The following TRAPPC14 variants were observed in gnomAD, a reference collection of about 807,000 sequenced individuals.
TRAPPC14 encodes microtubule associated protein 11.
TRAPPC14 carries 24 observed loss-of-function variants against 56.6 expected under a neutral mutation model. That is an observed-to-expected ratio of 0.42 (90% CI 0.31 to 0.60). The LOEUF is 0.60. Among genes scored for constraint, TRAPPC14 ranks in the 20% least tolerant of loss-of-function variants. The probability of loss-of-function intolerance (pLI) is 0.14; values close to 1 mark genes in which losing one functional copy is unlikely to be tolerated. For synonymous variants in TRAPPC14, 377 were observed against 347.0 expected (o/e 1.09, Z -0.96); for missense variants, 615 against 790.3 (o/e 0.78, Z 2.66).
intron 1 of TRAPPC14, 75 bp downstream of exon 1, chr7:100,158,014 G>C: frequency 7.0e-7 from 1 of 1,421,416 alleles, no homozygotes; most frequent in South Asian, 1.4e-5. Context: ...AAGACCGGCA[G>C]TTCATCTGCC....
chr7:100,154,653 A>G lies in TRAPPC14; in HGVS notation c.*358T>C, dbSNP rs1403774331. 3.3e-6 allele frequency: 1 copy of G among 306,810 alleles called. No homozygotes were observed. The highest frequency in any genetic ancestry group is 2.2e-5 in the African/African-American group (1 of 44,630). The allele number at this position is 306,810 out of a possible 1,614,324, so 19.0% of individuals were successfully genotyped here. ...AATCTCAGCCCTGCGGGAGGGAGGG[A>G]GGGAATGTCAGAGGTGGGAAAGAAC... On this transcript the variant is annotated 3_prime_UTR_variant, in exon 11 of 11. Coordinates refer to ENST00000316937, the MANE Select transcript of TRAPPC14 (RefSeq NM_018275.5).
At position 100,158,215 on chromosome 7, in the gene TRAPPC14, G is replaced by A; in HGVS notation, c.285C>T (p.Gly95=). ...GCTCCGAATCCTGGTCGCCGGCGCCGCCGCCCCCCGGCATCCCGCCTCCGG... is the reference window on the plus strand; with the variant it reads ...GCTCCGAATCCTGGTCGCCGGCGCCACCGCCCCCCGGCATCCCGCCTCCGG... ...VSAGGGMPGG[G]GAGDQDSEPP... The change falls in exon 1 of 11, where the codon GGC becomes GGT. Residue 95 remains glycine, a synonymous_variant. Coordinates refer to ENST00000316937, the MANE Select transcript of TRAPPC14 (RefSeq NM_018275.5). The A allele has an allele frequency of 2.0e-6, 3 of 1,464,270 alleles. No individual in the cohort carries two copies. The highest frequency in any genetic ancestry group is 2.7e-5 in the East Asian group (1 of 36,366). 90.7% of individuals were successfully genotyped at this position (1,464,270 alleles called of 1,614,324 possible).
Position 100,157,400 on chromosome 7 carries a change from C to T in TRAPPC14, c.697G>A (p.Ala233Thr). ...PVLRCRQFTV[A>T]GKHLTVLKVL... The stretch of plus-strand genomic sequence containing the variant: ...TTGAGCACGGTCAAGTGTTTTCCAG[C>T]CACAGTGAACTGCCGGCATCTCAGA... The change falls in exon 4 of 11, where the codon GCT becomes ACT. Residue 233 changes from alanine to threonine, a missense_variant. Physicochemically the swap from Ala to Thr is moderately conservative, Grantham distance 58. Transcript: ENST00000316937. The T allele has an allele frequency of 6.2e-7, 1 of 1,614,170 alleles. No homozygotes were observed. The highest frequency in any genetic ancestry group is 8.5e-7 in the Non-Finnish European group (1 of 1,180,040).
chr7:100,157,909 T>C lies in TRAPPC14; in HGVS notation c.441A>G (p.Thr147=). ...TLPVEEPIVS[T]DEVIFPLTVS... ...CGGTGAGTGGGAAGATGACCTCATC[T>C]GTGGACACAATCGGTTCCTCCACAG... Residue 147 remains threonine (T), a synonymous_variant, in exon 2 of 11, where the codon ACA becomes ACG. Coordinates refer to ENST00000316937, the MANE Select transcript of TRAPPC14 (RefSeq NM_018275.5). 6.4e-7 allele frequency: 1 copy of C among 1,553,982 alleles called. No individual in the cohort carries two copies.
chr7:100,157,970 AG>A (rs1188877453), intron 1 of TRAPPC14, 32 bp from the exon 2 acceptor site: 2 of 1,512,350 alleles, frequency 1.3e-6, no homozygotes, highest in Admixed American at 4.4e-5. Context: ...AGAGGTCAGG[AG>A]CAAGTCAGAG....
rs1485761314 is a variant in TRAPPC14 at position 100,156,834 on chromosome 7, CT to C, written c.993+10del. On this transcript the variant is annotated intron_variant, in intron 6 of 10. Coordinates refer to ENST00000316937, the MANE Select transcript of TRAPPC14 (RefSeq NM_018275.5). ...CACTTTTCTTTGAACACACCAGCCCCTTATGCTCACCTCCTTGGCCCCTGGA... is the reference window on the plus strand; with the variant it reads ...CACTTTTCTTTGAACACACCAGCCCCTATGCTCACCTCCTTGGCCCCTGGA... The C allele has an allele frequency of 3.7e-6, 6 of 1,613,956 alleles. No individual in the cohort carries two copies. Among genetic ancestry groups the C allele is most frequent in the Middle Eastern group, 3.3e-4 (2 of 6,060 alleles).
Position 100,156,876 on chromosome 7 carries a change from C to G in TRAPPC14, c.962G>C (p.Gly321Ala), listed in dbSNP as rs201844389. 4.4e-4 allele frequency: 715 copies of G among 1,614,106 alleles called. 4 individuals are homozygous for G. Among genetic ancestry groups the G allele is most frequent in the South Asian group, 8.5e-4 (77 of 91,088 alleles). The change falls in exon 6 of 11, where the codon GGG (glycine) becomes GCG (alanine). Residue 321 changes from glycine (G) to alanine (A), a missense_variant. Gly to Ala is a moderately conservative substitution (Grantham distance 60, BLOSUM62 0). Coordinates refer to ENST00000316937, the MANE Select transcript of TRAPPC14 (RefSeq NM_018275.5). ...EEHNFLFQLR[G>A]GEQPPPGAKE... ...GGCCCCTGGAGGGGGCTGCTCACCC[C>G]CTCTCAGCTGAAACAGGAAGTTGTG...
In TRAPPC14 at chr7:100,158,396, C is replaced by T; in HGVS notation, c.104G>A (p.Arg35His). 2 of 1,466,486 alleles carry T rather than the reference C, an allele frequency of 1.4e-6. No individual in the cohort carries two copies. Among genetic ancestry groups the T allele is most frequent in the Non-Finnish European group, 9.0e-7 (1 of 1,109,762 alleles). The allele number at this position is 1,466,486 out of a possible 1,614,324, so 90.8% of individuals were successfully genotyped here. A position where few individuals can be genotyped will look rare whatever the true frequency, so the allele number is the denominator to read the frequency against. ...DPGRYRALPR[R>H]NHLYLGETVR... The stretch of plus-strand genomic sequence containing the variant: ...AGTCTCCCCCAAGTACAGATGGTTG[C>T]GCCGGGGCAGCGCCCGGTACCGGCC... Residue 35 changes from arginine to histidine, a missense_variant, in exon 1 of 11, where the codon CGC becomes CAC. Coordinates refer to ENST00000316937, the MANE Select transcript of TRAPPC14 (RefSeq NM_018275.5).
chr7:100,157,365 C>T lies in TRAPPC14; in HGVS notation c.724+8G>A, dbSNP rs1461644241. ...CTCCCGGAGGCTGGAGCCGGCAGCC[C>T]TGCTTACCCTTGAGCACGGTCAAGT... On this transcript the variant is annotated splice_region_variant and intron_variant, in intron 4 of 10. Coordinates refer to ENST00000316937, the MANE Select transcript of TRAPPC14 (RefSeq NM_018275.5). 6.2e-7 allele frequency: 1 copy of T among 1,614,072 alleles called. No individual in the cohort carries two copies. The highest frequency in any genetic ancestry group is 8.5e-7 in the Non-Finnish European group (1 of 1,179,948).
intron 8 of TRAPPC14, 164 bp from the exon 9 acceptor site, chr7:100,155,989 G>T (rs772472803): frequency 1.1e-6 from 1 of 910,078 alleles, no homozygotes; most frequent in South Asian, 1.3e-5. Flanking sequence ...TACGTACTGT[G>T]TGCAAGGCAC....
Position 100,154,726 on chromosome 7 carries a change from G to A in TRAPPC14, c.*285C>T. 2.0e-6 allele frequency: 1 copy of A among 501,600 alleles called. No individual in the cohort carries two copies. The highest frequency in any genetic ancestry group is 3.6e-6 in the Non-Finnish European group (1 of 278,976). 31.1% of individuals were successfully genotyped at this position (501,600 alleles called of 1,614,324 possible). A position where few individuals can be genotyped will look rare whatever the true frequency, so the allele number is the denominator to read the frequency against. ...TTTGTAAACTCAGAACCAGGGTAAA[G>A]GGCCGGGGACAAGGGAGCTCTGGGA... On this transcript the variant is annotated 3_prime_UTR_variant, in exon 11 of 11. Transcript: ENST00000316937.
rs757142581 is a variant in TRAPPC14, at chr7:100,157,072, C to T, written c.845+22G>A. 12 of 1,613,894 alleles carry T rather than the reference C, an allele frequency of 7.4e-6. No individual in the cohort carries two copies. In the African/African-American group the frequency reaches 1.1e-4, roughly 14 times the overall value. On this transcript the variant is annotated intron_variant, in intron 5 of 10. Transcript: ENST00000316937. ...GAAGCCATCCCCACCACTTCACAGC[C>T]TCGCCCCTCCCAGGACCTCACCAGA... is the stretch of plus-strand genomic sequence containing the variant.
Position 100,157,409 on chromosome 7 carries a change from A to G in TRAPPC14, c.688T>C (p.Phe230Leu), listed in dbSNP as rs1489029365. Residue 230 changes from phenylalanine (F) to leucine (L), a missense_variant, in exon 4 of 11, where the codon TTC (phenylalanine) becomes CTC (leucine). Physicochemically the swap from Phe to Leu is conservative, Grantham distance 22. Transcript: ENST00000316937. ...LPPPVLRCRQ[F>L]TVAGKHLTVL... The stretch of plus-strand genomic sequence containing the variant: ...GTCAAGTGTTTTCCAGCCACAGTGA[A>G]CTGCCGGCATCTCAGAACCGGAGGG... 1.9e-6 allele frequency: 3 copies of G among 1,614,074 alleles called. No individual in the cohort carries two copies. The highest frequency in any genetic ancestry group is 1.7e-6 in the Non-Finnish European group (2 of 1,180,036).
chr7:100,155,621 C>T, intron 9 of TRAPPC14, 50 bp downstream of exon 9: 2 of 1,540,766 alleles, frequency 1.3e-6, no homozygotes, highest in Non-Finnish European at 1.7e-6. Flanking sequence ...CTCCGTCCAC[C>T]CCAGCATTCT....
At position 100,154,969 on chromosome 7, in the gene TRAPPC14, T is replaced by C. The variant is rs769056196; in HGVS notation, c.*42A>G. On this transcript the variant is annotated 3_prime_UTR_variant, in exon 11 of 11. Transcript: ENST00000316937. The stretch of plus-strand genomic sequence containing the variant: ...GGAGCAGGGATCCCCTCTGGGGGCG[T>C]TGGGTCTCTGGAGTGTAAGAGGGAA... 8.1e-6 allele frequency: 13 copies of C among 1,609,436 alleles called. No homozygotes were observed. The Admixed American group carries it at 1.0e-4, about 12-fold the overall frequency.
In TRAPPC14 at chr7:100,157,781, G is replaced by A. The variant is rs764385907; in HGVS notation, c.508-19C>T. 3.1e-6 allele frequency: 5 copies of A among 1,614,202 alleles called. No individual in the cohort carries two copies. In the South Asian group the frequency reaches 3.3e-5, roughly 11 times the overall value. The stretch of plus-strand genomic sequence containing the variant: ...CTACAATCTGTCAAGAGGAAAGACA[G>A]ATGGCTGAGCCCGGAAAAGGTGTCT... On this transcript the variant is annotated intron_variant, in intron 2 of 10. Transcript: ENST00000316937.
rs759513455 is a variant in TRAPPC14 at position 100,157,442 on chromosome 7, G to C, written c.655C>G (p.Leu219Val). The C allele has an allele frequency of 6.2e-7, 1 of 1,613,600 alleles. No homozygotes were observed. Among genetic ancestry groups the C allele is most frequent in the East Asian group, 2.2e-5 (1 of 44,888 alleles). ...FKAQVSTLLT[L>V]LPPPVLRCRQ... ...CATCTCAGAACCGGAGGGGGCAGCA[G>C]AGTCAGCAGCGTGCTCACTGCGGGA... is the stretch of plus-strand genomic sequence containing the variant. Residue 219 changes from leucine to valine, a missense_variant, in exon 4 of 11, where the codon CTG (leucine) becomes GTG (valine). Leu to Val is a conservative substitution (Grantham distance 32). Transcript: ENST00000316937.
In TRAPPC14 at chr7:100,154,652, G is replaced by A; in HGVS notation, c.*359C>T. 3.1e-6 allele frequency: 1 copy of A among 318,600 alleles called. No homozygotes were observed. Among genetic ancestry groups the A allele is most frequent in the South Asian group, 3.0e-5 (1 of 33,106 alleles). The allele number at this position is 318,600 out of a possible 1,614,324, so 19.7% of individuals were successfully genotyped here. ...TAATCTCAGCCCTGCGGGAGGGAGG[G>A]AGGGAATGTCAGAGGTGGGAAAGAA... On this transcript the variant is annotated 3_prime_UTR_variant, in exon 11 of 11. Transcript: ENST00000316937.
chr7:100,157,157 T>C lies in TRAPPC14; in HGVS notation c.782A>G (p.Asn261Ser). 1.2e-6 allele frequency: 2 copies of C among 1,614,102 alleles called. No homozygotes were observed. The highest frequency in any genetic ancestry group is 1.7e-6 in the Non-Finnish European group (2 of 1,180,024). The change falls in exon 5 of 11, where the codon AAC becomes AGC. Residue 261 changes from asparagine to serine, a missense_variant. Coordinates refer to ENST00000316937, the MANE Select transcript of TRAPPC14 (RefSeq NM_018275.5). ...ISIWDIRILP[N>S]FNASYLPVMP... ...GACAGGTAGATAACTGGCGTTGAAG[T>C]TGGGGAGGATTCGGATATCCCAGAT...
Sources: allele counts gnomAD v4.1 joint callset, GRCh38; gene constraint gnomAD v4.1.1; transcripts MANE v1.5; gene names NCBI Gene and HGNC (gene_info 2026-07-23, HGNC 2026-07-21).